Variants in HRH2 observed in about 807,000 individuals in gnomAD.
HRH2 encodes the protein histamine H2 receptor.
Under a neutral mutation model 20.1 loss-of-function variants are expected in HRH2, and 4 were observed. That is an observed-to-expected ratio of 0.20 (90% CI 0.10 to 0.45). The LOEUF is 0.45. Ranked by LOEUF, HRH2 falls within the 20% of genes least tolerant of loss-of-function variation. HRH2 has a pLI of 0.99. For missense variants in HRH2, 250 were observed against 461.6 expected, an observed-to-expected ratio of 0.54 and a Z score of 4.20; for synonymous variants, 197 against 200.7, an observed-to-expected ratio of 0.98 and a Z score of 0.16.
intron 2 of HRH2, among the ~76,000 whole-genome samples, chr5:175,695,236 T>A (rs1442206158): frequency 6.6e-6 from 1 of 152,114 alleles, no homozygotes; most frequent in African/African-American, 2.4e-5. Flanking sequence ...TTGAGGCTGG[T>A]AGAGTCAGAC....
intron 1 of HRH2, among the ~76,000 whole-genome samples, chr5:175,661,809 G>A (rs1467538566): frequency 6.6e-6 from 1 of 152,068 alleles, no homozygotes; most frequent in Non-Finnish European, 1.5e-5. Context: ...ATCACAAGGT[G>A]AGGAGTTCGA....
chr5:175,660,696 C>G (rs1762713948), intron 1 of HRH2, among the ~76,000 whole-genome samples: 2 of 152,166 alleles, frequency 1.3e-5, no homozygotes, highest in Non-Finnish European at 1.5e-5. Context: ...AAAAAGGTAA[C>G]TTACGGTTCA....
chr5:175,694,332 C>A (rs896601980), intron 2 of HRH2, among the ~76,000 whole-genome samples: 1 of 152,188 alleles, frequency 6.6e-6, no homozygotes, highest in Non-Finnish European at 1.5e-5. Context: ...CCCTCCCCAC[C>A]TGCATCCCCC....
intron 2 of HRH2, among the ~76,000 whole-genome samples, chr5:175,706,623 A>T (rs1370292590): frequency 6.6e-6 from 1 of 152,242 alleles, no homozygotes; most frequent in African/African-American, 2.4e-5. Context: ...TACACTGCTA[A>T]CATGGTAAAG....
chr5:175,668,472 A>C lies in HRH2; in HGVS notation c.-526+10317A>C, dbSNP rs527293527. Among the ~76,000 whole-genome samples, 3 of 152,178 alleles carry C rather than the reference A, an allele frequency of 2.0e-5. No homozygotes were observed. In the East Asian group the frequency reaches 5.8e-4, roughly 29 times the overall value. ...AAGGGTCTTGATCTTGACCCCATAC[A>C]CGTGTCAACTCCATTGTGAGGCTGG... On this transcript the variant is annotated intron_variant, in intron 1 of 2. Coordinates refer to ENST00000636584, the MANE Select transcript of HRH2 (RefSeq NM_001367711.1).
In HRH2 at chr5:175,681,395, T is replaced by G. The variant is rs915576398; in HGVS notation, c.-525-1314T>G. Reference sequence around the variant, plus strand: ...TGGGAGAGGCTTAATTTATGTTTTATGGAGATTAGCTTGCTTCTGAGAGGG... The same window carrying G: ...TGGGAGAGGCTTAATTTATGTTTTAGGGAGATTAGCTTGCTTCTGAGAGGG... On this transcript the variant is annotated intron_variant, in intron 1 of 2. Transcript: ENST00000636584. This position sits in a 1 kb window ranked among gnomAD's most constrained non-coding sequence, Gnocchi z 4.3. Among the ~76,000 whole-genome samples the G allele has an allele frequency of 3.3e-5, 5 of 152,192 alleles. No homozygotes were observed. The highest frequency in any genetic ancestry group is 7.4e-5 in the Non-Finnish European group (5 of 68,024).
intron 1 of HRH2, among the ~76,000 whole-genome samples, chr5:175,661,577 C>T (rs1762739000): frequency 6.6e-6 from 1 of 152,170 alleles, no homozygotes; most frequent in South Asian, 2.1e-4. Flanking sequence ...TCAGGAAGGG[C>T]TGACAGATTC....
At chr5:175,659,140 G>A (rs1762659027) in intron 1 of HRH2, among the ~76,000 whole-genome samples, 1 of 152,180 alleles carries the variant, frequency 6.6e-6, no homozygotes, top group Non-Finnish European at 1.5e-5. Context: ...CCTAGGGAAT[G>A]TGGGGGGCCC....
chr5:175,700,263 A>G (rs573379462), intron 2 of HRH2, among the ~76,000 whole-genome samples: 65 of 152,352 alleles, frequency 4.3e-4, no homozygotes, highest in Non-Finnish European at 2.4e-4. Context: ...AAATAAAGCC[A>G]GAAAGTGGGT....
rs1471471464 is a variant in HRH2 at position 175,681,016 on chromosome 5, C to T, written c.-525-1693C>T. On this transcript the variant is annotated intron_variant, in intron 1 of 2. Coordinates refer to ENST00000636584, the MANE Select transcript of HRH2 (RefSeq NM_001367711.1). The surrounding 1 kb of genome is among the most constrained non-coding windows in gnomAD (Gnocchi z 4.3). The stretch of plus-strand genomic sequence containing the variant: ...GCTGGTCCACTCAGATTTGAAGACC[C>T]CTCATCCAAACATGAACTCAAATGT... Among the ~76,000 whole-genome samples, 3 of 152,072 alleles carry T rather than the reference C, an allele frequency of 2.0e-5. No homozygotes were observed. Among genetic ancestry groups the T allele is most frequent in the African/African-American group, 7.2e-5 (3 of 41,408 alleles).
chr5:175,675,329 T>C (rs1479033095), intron 1 of HRH2, among the ~76,000 whole-genome samples: 2 of 152,178 alleles, frequency 1.3e-5, no homozygotes, highest in East Asian at 1.9e-4. Flanking sequence ...CGGCTGATGA[T>C]TGAACCTTCA....
At chr5:175,660,741 T>C (rs1276893886) in intron 1 of HRH2, among the ~76,000 whole-genome samples, 2 of 152,176 alleles carry the variant, frequency 1.3e-5, no homozygotes, top group Non-Finnish European at 2.9e-5. Flanking sequence ...GTGTGCCCTG[T>C]CTCAGGCCTA....
chr5:175,688,843 C>A (rs1756266660), intron 2 of HRH2, among the ~76,000 whole-genome samples: 1 of 152,182 alleles, frequency 6.6e-6, no homozygotes, highest in Admixed American at 6.5e-5. Context: ...TGTTTCTGGA[C>A]CCCTGCCGAG....
At chr5:175,688,851 G>A (rs979086075) in intron 2 of HRH2, among the ~76,000 whole-genome samples, 5 of 152,188 alleles carry the variant, frequency 3.3e-5, no homozygotes, top group African/African-American at 1.2e-4. Context: ...GACCCCTGCC[G>A]AGGTCTCTTT....
chr5:175,671,659 A>G (rs2113490540), intron 1 of HRH2, among the ~76,000 whole-genome samples: 1 of 152,354 alleles, frequency 6.6e-6, no homozygotes, highest in African/African-American at 2.4e-5. Context: ...ATACAAAAAG[A>G]AACCCACAAA....
chr5:175,665,699 G>A (rs539645657), intron 1 of HRH2, among the ~76,000 whole-genome samples: 2 of 152,266 alleles, frequency 1.3e-5, no homozygotes, highest in South Asian at 4.1e-4. Flanking sequence ...CAGGCAGAAG[G>A]CAGATTCCCC....
intron 2 of HRH2, among the ~76,000 whole-genome samples, chr5:175,704,422 A>G (rs573653678): frequency 6.6e-6 from 1 of 152,236 alleles, no homozygotes; most frequent in Non-Finnish European, 1.5e-5. Context: ...AAAAAAAAAC[A>G]CTGAGTAAGT....
At chr5:175,684,589 C>G (rs1176840858) in intron 2 of HRH2, among the ~76,000 whole-genome samples, 2 of 152,248 alleles carry the variant, frequency 1.3e-5, no homozygotes, top group Non-Finnish European at 2.9e-5. Context: ...AACTCGCAAG[C>G]CCTTTTTCCC....
rs969269337 is a variant in HRH2, at chr5:175,682,926, G to A, written c.-308G>A. On this transcript the variant is annotated 5_prime_UTR_variant, in exon 2 of 3. Transcript: ENST00000636584. ...CCCCGGGAGGAAGCTAGCTCTTCAG[G>A]GGACCGTCTGAGGACTGGAGTTTGA... 5.0e-5 allele frequency: 16 copies of A among 322,820 alleles called. No homozygotes were observed. Among genetic ancestry groups the A allele is most frequent in the Non-Finnish European group, 7.9e-5 (14 of 176,926 alleles). The allele number at this position is 322,820 out of a possible 1,614,324, so 20.0% of individuals were successfully genotyped here.
Sources: gnomAD v4.1 joint callset for allele counts (sites outside exome capture counted in the v4.1 genomes callset) on GRCh38, gnomAD v4.1.1 for gene constraint, Gnocchi (gnomAD v3.1) non-coding constraint, MANE v1.5 for transcripts, NCBI Gene and HGNC (gene_info 2026-07-23, HGNC 2026-07-21) for gene names.